KCND3: variants seen among roughly 807,000 people sequenced by gnomAD.
The protein encoded by KCND3 is potassium voltage-gated channel subfamily D member 3, also known as A-type voltage-gated potassium channel KCND3.
Under a neutral mutation model 51.1 loss-of-function variants are expected in KCND3, and 9 were observed. The ratio of observed to expected loss-of-function variants is 0.18; its 90% confidence interval spans 0.11 to 0.31. KCND3 has a LOEUF of 0.31. Among genes scored for constraint, KCND3 ranks in the 10% least tolerant of loss-of-function variants. The pLI is 1.00. For missense variants in KCND3, 526 were observed against 903.8 expected (o/e 0.58, Z 5.36); for synonymous variants, 349 against 368.0 (o/e 0.95, Z 0.59).
chr1:111,887,087 A>G (rs1275707552), intron 2 of KCND3, among the ~76,000 whole-genome samples: 1 of 152,168 alleles, frequency 6.6e-6, no homozygotes, highest in Non-Finnish European at 1.5e-5. Context: ...GCTCACAGCT[A>G]TCTAGGGGCT....
intron 2 of KCND3, among the ~76,000 whole-genome samples, chr1:111,863,302 C>T (rs1338456068): frequency 6.8e-6 from 1 of 147,072 alleles, no homozygotes; most frequent in Non-Finnish European, 1.5e-5. Context: ...ATGTGCCAGA[C>T]ATTGACTAAC....
intron 1 of KCND3, among the ~76,000 whole-genome samples, chr1:111,983,292 C>T (rs1316016992): frequency 6.6e-6 from 1 of 150,724 alleles, no homozygotes; most frequent in African/African-American, 2.4e-5. Flanking sequence ...GTAAACAATT[C>T]TTTCTACTCC....
intron 2 of KCND3, among the ~76,000 whole-genome samples, chr1:111,976,956 C>G (rs1246056373): frequency 6.6e-6 from 1 of 152,228 alleles, no homozygotes; most frequent in African/African-American, 2.4e-5. Flanking sequence ...ATGAAAGATT[C>G]CTTGTTGAGA....
At chr1:111,937,416 G>A (rs1235851036) in intron 2 of KCND3, among the ~76,000 whole-genome samples, 3 of 152,254 alleles carry the variant, frequency 2.0e-5, no homozygotes, top group Non-Finnish European at 2.9e-5. Flanking sequence ...GCCATGCCCC[G>A]AGTCATCAGA....
intron 2 of KCND3, among the ~76,000 whole-genome samples, chr1:111,850,731 T>C: frequency 6.6e-6 from 1 of 152,178 alleles, no homozygotes; most frequent in East Asian, 1.9e-4. Flanking sequence ...GCCCAAGCAG[T>C]GGCCCTTGAG....
intron 2 of KCND3, among the ~76,000 whole-genome samples, chr1:111,912,011 G>A (rs1670973472): frequency 6.6e-6 from 1 of 152,196 alleles, no homozygotes; most frequent in Non-Finnish European, 1.5e-5. Flanking sequence ...GCCAGAAACA[G>A]CTTTGGCTAT....
intron 2 of KCND3, among the ~76,000 whole-genome samples, chr1:111,860,453 A>G (rs1378145882): frequency 1.3e-5 from 2 of 152,224 alleles, no homozygotes; most frequent in Non-Finnish European, 2.9e-5. Flanking sequence ...TAGAAGACCA[A>G]CATTGTGCAT....
chr1:111,780,320 A>C lies in KCND3; in HGVS notation c.1372-6T>G. The stretch of plus-strand genomic sequence containing the variant: ...TGCTCCTCTTCTGGGGTGCCCTAGT[A>C]AAAAAAGAAGAGAGATTGAGTAAAA... On this transcript the variant is annotated splice_polypyrimidine_tract_variant and splice_region_variant and intron_variant, in intron 4 of 7. Transcript: ENST00000302127. This position sits in a 1 kb window ranked among gnomAD's most constrained non-coding sequence, Gnocchi z 4.2. The C allele has an allele frequency of 6.4e-7, 1 of 1,559,080 alleles. No individual in the cohort carries two copies.
intron 2 of KCND3, among the ~76,000 whole-genome samples, chr1:111,894,279 G>A (rs10857912): frequency 0.21 from 31,903 of 152,062 alleles, 3,437 homozygotes; most frequent in East Asian, 0.33. Context: ...CTTTGGCTGT[G>A]TTCTATGTTC....
intron 2 of KCND3, among the ~76,000 whole-genome samples, chr1:111,973,654 G>A (rs1169759637): frequency 6.6e-6 from 1 of 152,252 alleles, no homozygotes; most frequent in Non-Finnish European, 1.5e-5. Flanking sequence ...GGTAGATTCG[G>A]CAGCTGCATT....
intron 2 of KCND3, among the ~76,000 whole-genome samples, chr1:111,938,276 C>A (rs1672317608): frequency 6.6e-6 from 1 of 152,156 alleles, no homozygotes; most frequent in Non-Finnish European, 1.5e-5. Context: ...TGTTCATTTG[C>A]CCATTCATTC....
At chr1:111,921,499 G>A (rs1349390583) in intron 2 of KCND3, among the ~76,000 whole-genome samples, 1 of 152,234 alleles carries the variant, frequency 6.6e-6, no homozygotes, top group South Asian at 2.1e-4. Context: ...GACTAGCAAT[G>A]GCAGGAAGCT....
rs140804777 is a variant in KCND3 at position 111,831,171 on chromosome 1, CT to C, written c.1107-44066del. Among the ~76,000 whole-genome samples, 318 of 152,118 alleles carry C rather than the reference CT, an allele frequency of 2.1e-3. 6 individuals are homozygous for C. In the East Asian group the frequency reaches 0.058, roughly 28 times the overall value. On this transcript the variant is annotated intron_variant, in intron 2 of 7. Transcript: ENST00000302127. ...AAAATTGATGAAGGTAAGACTCTTC[CT>C]TTCACAGGCTCAAAACTCTTGTCCT...
chr1:111,853,247 T>G (rs1453512920), intron 2 of KCND3, among the ~76,000 whole-genome samples: 2 of 152,216 alleles, frequency 1.3e-5, no homozygotes, highest in Non-Finnish European at 2.9e-5. Flanking sequence ...TCATTTCATC[T>G]TTTTTGAGTC....
At chr1:111,968,954 T>C (rs1339730570) in intron 2 of KCND3, among the ~76,000 whole-genome samples, 2 of 152,174 alleles carry the variant, frequency 1.3e-5, no homozygotes, top group African/African-American at 4.8e-5. Flanking sequence ...GGCATGAGAT[T>C]TTAAAAGTTA....
chr1:111,989,663 C>T lies in KCND3; in HGVS notation c.-231G>A, dbSNP rs1297329128. 5 of 148,604 alleles carry T rather than the reference C, an allele frequency of 3.4e-5. No individual in the cohort carries two copies. Among genetic ancestry groups the T allele is most frequent in the Non-Finnish European group, 6.0e-5 (4 of 66,316 alleles). 9.2% of individuals were successfully genotyped at this position (148,604 alleles called of 1,614,324 possible). ...GCTCCTCCTCGCCAGCGCAGTCTCG[C>T]TCGCTGCCTCCCTCGCTCGGTCGGT... On this transcript the variant is annotated 5_prime_UTR_variant, in exon 1 of 8. Coordinates refer to ENST00000302127, the MANE Select transcript of KCND3 (RefSeq NM_001378969.1).
rs568414025 is a variant in KCND3 at position 111,804,394 on chromosome 1, C to G, written c.1107-17288G>C. ...TTCCCCACACCCTGTTGCGACTGCA[C>G]GCATTTTATGTTTGCTCTGAACCCT... is the stretch of plus-strand genomic sequence containing the variant. On this transcript the variant is annotated intron_variant, in intron 2 of 7. Transcript: ENST00000302127. 2.6e-5 allele frequency among the ~76,000 whole-genome samples: 4 copies of G among 152,374 alleles called. No individual in the cohort carries two copies. The East Asian group carries it at 5.8e-4, about 22-fold the overall frequency.
rs146740609 is a variant in KCND3, at chr1:111,826,777, T to C, written c.1107-39671A>G. 1.6e-4 allele frequency among the ~76,000 whole-genome samples: 25 copies of C among 152,346 alleles called. No homozygotes were observed. The East Asian group carries it at 1.9e-3, about 12-fold the overall frequency. ...ATTATAATAATAATAATAGTCATGA[T>C]AATAACAGCTAATGTTTAATGATCA... On this transcript the variant is annotated intron_variant, in intron 2 of 7. Transcript: ENST00000302127.
intron 2 of KCND3, among the ~76,000 whole-genome samples, chr1:111,902,597 G>C (rs1321332929): frequency 6.6e-6 from 1 of 152,192 alleles, no homozygotes; most frequent in African/African-American, 2.4e-5. Flanking sequence ...GCTCGTTAGT[G>C]TTAAAAACTA....
Sources: gnomAD v4.1 joint callset for allele counts (sites outside exome capture counted in the v4.1 genomes callset) on GRCh38, gnomAD v4.1.1 for gene constraint, Gnocchi (gnomAD v3.1) non-coding constraint, MANE v1.5 for transcripts, NCBI Gene and HGNC (gene_info 2026-07-23, HGNC 2026-07-21) for gene names.